ATF7IP2: variants seen among roughly 807,000 people sequenced by gnomAD.
The protein encoded by ATF7IP2 is activating transcription factor 7-interacting protein 2.
Under a neutral mutation model 64.2 loss-of-function variants are expected in ATF7IP2, and 42 were observed. That is an observed-to-expected ratio of 0.65 (90% CI 0.51 to 0.85). The LOEUF is 0.85. Ranked by LOEUF, ATF7IP2 falls within the 40% of genes least tolerant of loss-of-function variation. ATF7IP2 has a pLI of 0.00. For missense variants in ATF7IP2, 933 were observed against 784.2 expected (o/e 1.19, Z -2.27); for synonymous variants, 308 against 272.8 (o/e 1.13, Z -1.27).
At chr16:10,442,436 T>C (rs1358099337) in intron 8 of ATF7IP2, among the ~76,000 whole-genome samples, 1 of 152,164 alleles carries the variant, frequency 6.6e-6, no homozygotes, top group Non-Finnish European at 1.5e-5. Context: ...TTTTATAAGT[T>C]TTATTGTTTT....
chr16:10,437,248 T>A (rs929871034), intron 6 of ATF7IP2, among the ~76,000 whole-genome samples: 10 of 152,202 alleles, frequency 6.6e-5, no homozygotes, highest in African/African-American at 2.4e-4. Context: ...CTTCAACTCC[T>A]GACCTCGTGA....
At chr16:10,401,838 G>A (rs927412820) in intron 1 of ATF7IP2, among the ~76,000 whole-genome samples, 3 of 151,398 alleles carry the variant, frequency 2.0e-5, no homozygotes, top group African/African-American at 7.3e-5. Flanking sequence ...TAAGGCTTAG[G>A]AGGTTGTATG....
At chr16:10,397,635 G>A (rs565811765) in intron 1 of ATF7IP2, among the ~76,000 whole-genome samples, 7 of 152,104 alleles carry the variant, frequency 4.6e-5, no homozygotes, top group Non-Finnish European at 1.0e-4. Context: ...CCAGGACTTT[G>A]GGAGGCCAAA....
At chr16:10,446,122 C>A (rs1206927446) in intron 8 of ATF7IP2, 1 of 152,172 alleles carries the variant, frequency 6.6e-6, no homozygotes, top group Non-Finnish European at 1.5e-5. Flanking sequence ...CTTTTTCCTT[C>A]AGTTACTCAG....
At chr16:10,421,378 C>T (rs1049094670) in intron 3 of ATF7IP2, among the ~76,000 whole-genome samples, 1 of 152,172 alleles carries the variant, frequency 6.6e-6, no homozygotes, top group Admixed American at 6.5e-5. Context: ...CTGCCTCCAC[C>T]TCCTTTGTTA....
chr16:10,403,184 C>T (rs552758228), intron 1 of ATF7IP2, among the ~76,000 whole-genome samples: 4 of 152,268 alleles, frequency 2.6e-5, no homozygotes, highest in African/African-American at 7.2e-5. Context: ...CACCTATTGG[C>T]CTGGAGGTCA....
At chr16:10,407,606 A>G (rs1013851270) in intron 1 of ATF7IP2, among the ~76,000 whole-genome samples, 6 of 152,250 alleles carry the variant, frequency 3.9e-5, no homozygotes, top group Admixed American at 1.3e-4. Context: ...GGAAATCAAA[A>G]TAGTCTCATT....
chr16:10,477,685 A>G (rs990218649), intron 12 of ATF7IP2, among the ~76,000 whole-genome samples: 7 of 151,500 alleles, frequency 4.6e-5, no homozygotes, highest in South Asian at 2.1e-4. Context: ...AGGGTATTCA[A>G]TTAGGAAAAG....
In ATF7IP2 at chr16:10,414,590, T is replaced by C. The variant is rs2047831999; in HGVS notation, c.-225T>C. On this transcript the variant is annotated 5_prime_UTR_variant, in exon 2 of 14. Coordinates refer to ENST00000562102, the MANE Select transcript of ATF7IP2 (RefSeq NM_001393719.1). ...CTTTTTCAGGTAAATCAGGGATTTC[T>C]TCTTGGTTTGGATCCACTGCTGGTG... is the stretch of plus-strand genomic sequence containing the variant. The C allele has an allele frequency of 6.6e-6, 1 of 150,750 alleles. No individual in the cohort carries two copies. The allele number at this position is 150,750 out of a possible 1,614,324, so 9.3% of individuals were successfully genotyped here. A position where few individuals can be genotyped will look rare whatever the true frequency, so the allele number is the denominator to read the frequency against.
chr16:10,464,757 C>A (rs1035242476), intron 9 of ATF7IP2, among the ~76,000 whole-genome samples: 1 of 152,176 alleles, frequency 6.6e-6, no homozygotes, highest in African/African-American at 2.4e-5. Context: ...GAGTTACTAG[C>A]CACAGTATCT....
intron 8 of ATF7IP2, among the ~76,000 whole-genome samples, chr16:10,455,897 T>C (rs979290936): frequency 6.6e-6 from 1 of 152,214 alleles, no homozygotes; most frequent in African/African-American, 2.4e-5. Flanking sequence ...TGGCAGGAAG[T>C]TTAGTTGCAT....
chr16:10,412,492 TC>T (rs1328961411), intron 1 of ATF7IP2, among the ~76,000 whole-genome samples: 2 of 152,224 alleles, frequency 1.3e-5, no homozygotes, highest in Admixed American at 6.5e-5. Flanking sequence ...TTTTGAAGTT[TC>T]CTTTTGGAGT....
chr16:10,387,775 C>G (rs1424618990), intron 1 of ATF7IP2: 2 of 151,730 alleles, frequency 1.3e-5, no homozygotes, highest in Non-Finnish European at 2.9e-5. Context: ...CGAGATGATA[C>G]AAAATACCAA....
chr16:10,456,353 C>A lies in ATF7IP2; in HGVS notation c.1195-1019C>A, dbSNP rs79634287. Among the ~76,000 whole-genome samples, 1,224 of 152,280 alleles carry A rather than the reference C, an allele frequency of 8.0e-3. 13 individuals are homozygous for A. The highest frequency in any genetic ancestry group is 0.027 in the African/African-American group (1,139 of 41,556). On this transcript the variant is annotated intron_variant, in intron 8 of 13. Coordinates refer to ENST00000562102, the MANE Select transcript of ATF7IP2 (RefSeq NM_001393719.1). ...CCCGGAGAGAAAGTCAAGATTTTGGCTGGACACCCTTTTGCTAGTGCCTTG... is the reference window on the plus strand; with the variant it reads ...CCCGGAGAGAAAGTCAAGATTTTGGATGGACACCCTTTTGCTAGTGCCTTG...
chr16:10,459,061 C>T (rs756651984), intron 9 of ATF7IP2, among the ~76,000 whole-genome samples: 39 of 151,942 alleles, frequency 2.6e-4, no homozygotes, highest in African/African-American at 9.2e-4. Context: ...TGGCCAGGCA[C>T]GGTGGCTCAT....
chr16:10,450,309 G>T (rs935140295), intron 8 of ATF7IP2, among the ~76,000 whole-genome samples: 4 of 152,152 alleles, frequency 2.6e-5, no homozygotes, highest in Non-Finnish European at 5.9e-5. Flanking sequence ...GGGGTGGAGA[G>T]TTCTGTAGAT....
chr16:10,442,838 G>T (rs919813149), intron 8 of ATF7IP2, among the ~76,000 whole-genome samples: 2 of 152,104 alleles, frequency 1.3e-5, no homozygotes, highest in African/African-American at 4.8e-5. Flanking sequence ...ACAAATTGTT[G>T]TTGGTTATAG....
At chr16:10,401,767 T>A (rs900785472) in intron 1 of ATF7IP2, among the ~76,000 whole-genome samples, 6 of 151,766 alleles carry the variant, frequency 4.0e-5, no homozygotes, top group Non-Finnish European at 8.8e-5. Context: ...CTTTTTTTTT[T>A]TTTTAATTGA....
intron 2 of ATF7IP2, among the ~76,000 whole-genome samples, chr16:10,416,769 C>T (rs1261164927): frequency 6.6e-6 from 1 of 152,118 alleles, no homozygotes; most frequent in Non-Finnish European, 1.5e-5. Context: ...TGCACTCCAG[C>T]CTGGGCAACA....
Sources: allele counts gnomAD v4.1 joint callset (sites outside exome capture counted in the v4.1 genomes callset), GRCh38; gene constraint gnomAD v4.1.1; transcripts MANE v1.5; gene names NCBI Gene and HGNC (gene_info 2026-07-23, HGNC 2026-07-21).